DZIP1L: variants seen among roughly 807,000 people sequenced by gnomAD.
The protein encoded by DZIP1L is cilium assembly protein DZIP1L.
In DZIP1L, 90 loss-of-function variants were observed where a neutral mutation model predicts 88.7. The observed-to-expected ratio is 1.02, with a 90% CI of 0.86 to 1.21. The LOEUF is 1.21. Among genes scored for constraint, DZIP1L ranks in the 50% most tolerant of loss-of-function variants. The pLI is 0.00. For missense variants in DZIP1L, 932 were observed against 955.8 expected (o/e 0.98, Z 0.33); for synonymous variants, 363 against 372.1 (o/e 0.98, Z 0.28).
chr3:138,087,976 G>A (rs1944025570), intron 6 of DZIP1L, among the ~76,000 whole-genome samples: 1 of 152,210 alleles, frequency 6.6e-6, no homozygotes, highest in African/African-American at 2.4e-5. Context: ...ACGGAAATTG[G>A]CAAATGCTAC....
chr3:138,081,880 C>A lies in DZIP1L; in HGVS notation c.1204-116G>T, dbSNP rs1943675527. The A allele has an allele frequency of 4.6e-6, 5 of 1,085,068 alleles. No individual in the cohort carries two copies. The East Asian group carries it at 8.6e-5, about 19-fold the overall frequency. The allele number at this position is 1,085,068 out of a possible 1,614,324, so 67.2% of individuals were successfully genotyped here. On this transcript the variant is annotated intron_variant, in intron 8 of 15. Coordinates refer to ENST00000327532, the MANE Select transcript of DZIP1L (RefSeq NM_173543.3). Reference sequence around the variant, plus strand: ...AGGGATGGCTACAGATTCCATGACTCACGTTGGGAACTGGAAGGAGCTCAG... The same window carrying A: ...AGGGATGGCTACAGATTCCATGACTAACGTTGGGAACTGGAAGGAGCTCAG...
chr3:138,080,860 C>A (rs1202240769), intron 9 of DZIP1L, among the ~76,000 whole-genome samples: 2 of 152,218 alleles, frequency 1.3e-5, no homozygotes, highest in African/African-American at 4.8e-5. Flanking sequence ...CCCTCTAAGC[C>A]TGGGTTTCCC....
chr3:138,066,583 G>A (rs1023413882), intron 14 of DZIP1L, among the ~76,000 whole-genome samples: 1 of 152,090 alleles, frequency 6.6e-6, no homozygotes, highest in African/African-American at 2.4e-5. Flanking sequence ...CTGTCACGAT[G>A]TGTGTGGCTC....
chr3:138,077,619 G>A lies in DZIP1L; in HGVS notation c.1302C>T (p.Ser434=). 1.2e-6 allele frequency: 2 copies of A among 1,614,054 alleles called. No homozygotes were observed. Among genetic ancestry groups the A allele is most frequent in the Non-Finnish European group, 1.7e-6 (2 of 1,179,990 alleles). ...EDSPEEEMED[S]QDEQHKVLAA... ...CCAGCACCTTGTGCTGTTCATCCTGGGAGTCCTCCATCTCTGTAGCATGAG... is the reference window on the plus strand; with the variant it reads ...CCAGCACCTTGTGCTGTTCATCCTGAGAGTCCTCCATCTCTGTAGCATGAG... The change falls in exon 11 of 16, where the codon TCC becomes TCT. Residue 434 remains serine (S), a synonymous_variant. Transcript: ENST00000327532.
intron 12 of DZIP1L, among the ~76,000 whole-genome samples, chr3:138,069,569 C>G (rs765364462): frequency 1.3e-5 from 2 of 152,170 alleles, no homozygotes; most frequent in Non-Finnish European, 2.9e-5. Flanking sequence ...AAAGACAAGC[C>G]TGCTGGGGGA....
At chr3:138,102,062 C>G (rs1040638034) in intron 2 of DZIP1L, 5 of 1,481,492 alleles carry the variant, frequency 3.4e-6, no homozygotes, top group Non-Finnish European at 4.7e-6. Flanking sequence ...GCTCCTCATA[C>G]TTGATCTGGT....
chr3:138,097,623 G>A (rs1944540020), intron 3 of DZIP1L, 140 bp downstream of exon 3: 1 of 749,016 alleles, frequency 1.3e-6, no homozygotes, highest in African/African-American at 1.7e-5. Flanking sequence ...GGTGGTGGAT[G>A]GTGGGATCAT....
intron 5 of DZIP1L, among the ~76,000 whole-genome samples, chr3:138,089,638 C>G (rs570439417): frequency 6.6e-6 from 1 of 152,136 alleles, no homozygotes; most frequent in African/African-American, 2.4e-5. Context: ...GTTTTTTTTA[C>G]AATCATTCTA....
chr3:138,068,141 T>A lies in DZIP1L; in HGVS notation c.1832+10A>T, dbSNP rs766439684. 50 of 1,491,122 alleles carry A rather than the reference T, an allele frequency of 3.4e-5. No individual in the cohort carries two copies. Among genetic ancestry groups the A allele is most frequent in the Non-Finnish European group, 4.1e-5 (46 of 1,117,838 alleles). The allele number at this position is 1,491,122 out of a possible 1,614,324, so 92.4% of individuals were successfully genotyped here. On this transcript the variant is annotated intron_variant, in intron 13 of 15. Transcript: ENST00000327532. ...GCAGGTGGGGTGAGAGGGCAGAGTC[T>A]GGGGCTCACCTCATCCCGGGCCCCG...
At chr3:138,105,929 C>G (rs1004558636) in intron 1 of DZIP1L, among the ~76,000 whole-genome samples, 1 of 152,040 alleles carries the variant, frequency 6.6e-6, no homozygotes, top group Non-Finnish European at 1.5e-5. Flanking sequence ...ATAGAGATTA[C>G]AGGACTTTTA....
At chr3:138,106,189 A>AATACAAT (rs2042483818) in intron 1 of DZIP1L, among the ~76,000 whole-genome samples, 1 of 137,786 alleles carries the variant, frequency 7.3e-6, no homozygotes, top group African/African-American at 2.8e-5. Flanking sequence ...CCCAGGCTGA[A>AATACAAT]ATACAATGGC....
intron 12 of DZIP1L, chr3:138,068,932 T>C: frequency 8.0e-7 from 1 of 1,249,624 alleles, no homozygotes; most frequent in Non-Finnish European, 1.0e-6. Flanking sequence ...CAAGTTTTTA[T>C]GGGAAGAGAA....
At chr3:138,091,732 A>G (rs936161283) in intron 5 of DZIP1L, among the ~76,000 whole-genome samples, 7 of 151,824 alleles carry the variant, frequency 4.6e-5, no homozygotes, top group African/African-American at 1.7e-4. Context: ...AAGAAATAAA[A>G]TAGCTTTTTT....
intron 3 of DZIP1L, among the ~76,000 whole-genome samples, chr3:138,095,676 G>T (rs559361685): frequency 6.6e-6 from 1 of 152,234 alleles, no homozygotes; most frequent in African/African-American, 2.4e-5. Context: ...CAGCTACTCA[G>T]GAGGCTGAGG....
At chr3:138,111,685 A>G (rs1576514320) in intron 1 of DZIP1L, among the ~76,000 whole-genome samples, 1 of 152,186 alleles carries the variant, frequency 6.6e-6, no homozygotes, top group Non-Finnish European at 1.5e-5. Context: ...TAGATGTCCT[A>G]GAGCTCTGGC....
chr3:138,088,343 T>C (rs1420898301), intron 6 of DZIP1L, 36 bp downstream of exon 6: 3 of 1,574,844 alleles, frequency 1.9e-6, no homozygotes, highest in Non-Finnish European at 2.6e-6. Context: ...GGCTCTTGGC[T>C]TCCTCTGGGA....
chr3:138,110,260 T>G (rs563098322), intron 1 of DZIP1L, among the ~76,000 whole-genome samples: 83 of 151,668 alleles, frequency 5.5e-4, no homozygotes, highest in African/African-American at 1.9e-3. Flanking sequence ...ATGAGAACAC[T>G]TGGACACAGG....
intron 2 of DZIP1L, 73 bp downstream of exon 2, chr3:138,103,398 C>A: frequency 6.7e-7 from 1 of 1,499,226 alleles, no homozygotes; most frequent in Non-Finnish European, 9.0e-7. Flanking sequence ...CAGTGCTGCC[C>A]AGTGGCAACA....
Position 138,092,373 on chromosome 3 carries a change from T to C in DZIP1L, c.870+10A>G. 1 of 1,520,954 alleles carries C rather than the reference T, an allele frequency of 6.6e-7. No homozygotes were observed. Among genetic ancestry groups the C allele is most frequent in the South Asian group, 1.4e-5 (1 of 73,334 alleles). The allele number at this position is 1,520,954 out of a possible 1,614,324, so 94.2% of individuals were successfully genotyped here. A position where few individuals can be genotyped will look rare whatever the true frequency, so the allele number is the denominator to read the frequency against. ...CAAAGAAACTTTAAAAAGCCTTTTA[T>C]GTTGGGTACCTCTTCTAGTGTAGAG... On this transcript the variant is annotated intron_variant, in intron 5 of 15. Coordinates refer to ENST00000327532, the MANE Select transcript of DZIP1L (RefSeq NM_173543.3).
Sources: allele counts gnomAD v4.1 joint callset (sites outside exome capture counted in the v4.1 genomes callset), GRCh38; gene constraint gnomAD v4.1.1; transcripts MANE v1.5; gene names NCBI Gene and HGNC (gene_info 2026-07-23, HGNC 2026-07-21).